The following BCL2 variants were observed in gnomAD, a reference collection of about 807,000 sequenced individuals.
BCL2 encodes the protein apoptosis regulator Bcl-2.
BCL2 carries 1 observed loss-of-function variant against 14.2 expected under a neutral mutation model. That is an observed-to-expected ratio of 0.07 (90% CI 0.02 to 0.33). The LOEUF is 0.33. Among genes scored for constraint, BCL2 ranks in the 10% least tolerant of loss-of-function variants. The pLI, the probability that BCL2 is intolerant of heterozygous loss-of-function variation, is 0.99. For missense variants in BCL2, 247 were observed against 305.9 expected (o/e 0.81, Z 1.44); for synonymous variants, 151 against 137.2 (o/e 1.10, Z -0.70).
intron 2 of BCL2, among the ~76,000 whole-genome samples, chr18:63,301,290 C>T (rs1211295047): frequency 6.9e-6 from 1 of 145,862 alleles, no homozygotes; most frequent in African/African-American, 2.4e-5. Context: ...GTTCTGGAAA[C>T]AGATGTCAGT....
intron 2 of BCL2, among the ~76,000 whole-genome samples, chr18:63,311,640 G>A (rs1310431720): frequency 2.6e-5 from 4 of 152,126 alleles, no homozygotes; most frequent in African/African-American, 9.7e-5. Flanking sequence ...AATGGAATAC[G>A]CTTCTATCCC....
At chr18:63,277,494 G>A (rs936320009) in intron 2 of BCL2, among the ~76,000 whole-genome samples, 7 of 151,728 alleles carry the variant, frequency 4.6e-5, no homozygotes, top group Non-Finnish European at 1.0e-4. Context: ...CCAGTGCAGG[G>A]TCTCATGACT....
chr18:63,190,631 T>C (rs2144651293), intron 2 of BCL2, among the ~76,000 whole-genome samples: 1 of 152,356 alleles, frequency 6.6e-6, no homozygotes, highest in African/African-American at 2.4e-5. Context: ...CCCCTGGAGA[T>C]TGTTCTCAAC....
rs146004012 is a variant in BCL2, at chr18:63,264,187, G to C, written c.585+53895C>G. Among the ~76,000 whole-genome samples the C allele has an allele frequency of 8.0e-3, 1,222 of 152,320 alleles. 9 individuals carry two copies. Among genetic ancestry groups the C allele is most frequent in the Non-Finnish European group, 0.012 (832 of 68,028 alleles). ...ACATCCTCCTTCATATTTGCTCATA[G>C]TAGGGCCTCATATTAAAATTTTTTA... On this transcript the variant is annotated intron_variant, in intron 2 of 2. Coordinates refer to ENST00000333681, the MANE Select transcript of BCL2 (RefSeq NM_000633.3).
At chr18:63,169,172 T>C (rs1358943797) in intron 2 of BCL2, among the ~76,000 whole-genome samples, 1 of 152,162 alleles carries the variant, frequency 6.6e-6, no homozygotes, top group Non-Finnish European at 1.5e-5. Context: ...ATGGAGGGCT[T>C]CTTTTGGGCG....
At chr18:63,203,476 C>A (rs944479912) in intron 2 of BCL2, among the ~76,000 whole-genome samples, 1 of 152,178 alleles carries the variant, frequency 6.6e-6, no homozygotes, top group Non-Finnish European at 1.5e-5. Context: ...TGTGATTGTA[C>A]TAGCAAAGCA....
chr18:63,294,073 T>C (rs753181248), intron 2 of BCL2, among the ~76,000 whole-genome samples: 4 of 152,208 alleles, frequency 2.6e-5, no homozygotes, highest in Non-Finnish European at 4.4e-5. Context: ...CAGCGCCTTA[T>C]TTTGTGATCA....
intron 2 of BCL2, among the ~76,000 whole-genome samples, chr18:63,153,532 T>C (rs1352877489): frequency 1.3e-5 from 2 of 152,194 alleles, no homozygotes; most frequent in African/African-American, 2.4e-5. Flanking sequence ...TTTTAGGATC[T>C]TATTTTCTAA....
intron 2 of BCL2, among the ~76,000 whole-genome samples, chr18:63,231,828 T>A (rs1198751682): frequency 6.6e-6 from 1 of 152,126 alleles, no homozygotes; most frequent in Non-Finnish European, 1.5e-5. Flanking sequence ...TCTTCATGGA[T>A]ATTTGTAACC....
intron 2 of BCL2, among the ~76,000 whole-genome samples, chr18:63,176,655 T>A (rs1377514785): frequency 6.6e-6 from 1 of 152,236 alleles, no homozygotes; most frequent in African/African-American, 2.4e-5. Flanking sequence ...CATGTGATAT[T>A]TTGATACATG....
chr18:63,126,387 G>A lies in BCL2; in HGVS notation c.*2238C>T, dbSNP rs1371110553. ...GGCCACGTAAAGCAACTCTCTAAAG[G>A]TCAAACCACCATAGATTTGAATCTG... is the stretch of plus-strand genomic sequence containing the variant. On this transcript the variant is annotated 3_prime_UTR_variant, in exon 3 of 3. Transcript: ENST00000333681. The A allele has an allele frequency of 4.5e-6, 1 of 222,864 alleles. No individual in the cohort carries two copies. The highest frequency in any genetic ancestry group is 9.0e-6 in the Non-Finnish European group (1 of 111,326). The allele number at this position is 222,864 out of a possible 1,614,324, so 13.8% of individuals were successfully genotyped here.
At chr18:63,267,176 G>A (rs148488304) in intron 2 of BCL2, among the ~76,000 whole-genome samples, 1 of 152,352 alleles carries the variant, frequency 6.6e-6, no homozygotes, top group African/African-American at 2.4e-5. Flanking sequence ...AGTCACGACA[G>A]TTTCTCTGGG....
At chr18:63,192,797 C>T (rs1208064445) in intron 2 of BCL2, among the ~76,000 whole-genome samples, 1 of 152,182 alleles carries the variant, frequency 6.6e-6, no homozygotes, top group African/African-American at 2.4e-5. Context: ...AGAAATGCTT[C>T]CCTGTCTACT....
intron 2 of BCL2, among the ~76,000 whole-genome samples, chr18:63,190,953 T>C (rs560029859): frequency 6.6e-6 from 1 of 152,308 alleles, no homozygotes; most frequent in East Asian, 1.9e-4. Flanking sequence ...ACATGCAGTG[T>C]TTGGTTTTCT....
At chr18:63,138,889 G>A (rs1319965302) in intron 2 of BCL2, among the ~76,000 whole-genome samples, 1 of 152,222 alleles carries the variant, frequency 6.6e-6, no homozygotes, top group Admixed American at 6.5e-5. Flanking sequence ...GGGCCCTCAG[G>A]AGCTGGGGAG....
intron 2 of BCL2, among the ~76,000 whole-genome samples, chr18:63,174,563 T>C (rs1022122328): frequency 6.6e-6 from 1 of 152,170 alleles, no homozygotes; most frequent in African/African-American, 2.4e-5. Flanking sequence ...CTCATGCCTG[T>C]AATCCCAGCA....
rs372445981 is a variant in BCL2, at chr18:63,215,730, T to C, written c.586-86971A>G. On this transcript the variant is annotated intron_variant, in intron 2 of 2. Coordinates refer to ENST00000333681, the MANE Select transcript of BCL2 (RefSeq NM_000633.3). Reference sequence around the variant, plus strand: ...CGCATGGGTGCTCCTATCTCATTTATGGGAAATCATGTGTGTGGAGGTGAC... The same window carrying C: ...CGCATGGGTGCTCCTATCTCATTTACGGGAAATCATGTGTGTGGAGGTGAC... Among the ~76,000 whole-genome samples, 5 of 152,326 alleles carry C rather than the reference T, an allele frequency of 3.3e-5. No individual in the cohort carries two copies. The South Asian group carries it at 8.3e-4, about 25-fold the overall frequency.
At chr18:63,253,165 G>T (rs959817857) in intron 2 of BCL2, among the ~76,000 whole-genome samples, 1 of 152,186 alleles carries the variant, frequency 6.6e-6, no homozygotes, top group Non-Finnish European at 1.5e-5. Context: ...CGCATTTAAA[G>T]CTCACAGCAG....
In BCL2 at chr18:63,127,833, A is replaced by ATTGG. The variant is rs1913950927; in HGVS notation, c.*791_*792insCCAA. On this transcript the variant is annotated 3_prime_UTR_variant, in exon 3 of 3. Transcript: ENST00000333681. ...GTATCCAAAATATATGAATATACACAATCAGGGCTTAAGGTACTGGATGAT... is the reference window on the plus strand; with the variant it reads ...GTATCCAAAATATATGAATATACACATTGGATCAGGGCTTAAGGTACTGGATGAT... 1 of 225,084 alleles carries ATTGG rather than the reference A, an allele frequency of 4.4e-6. No homozygotes were observed. The highest frequency in any genetic ancestry group is 5.7e-5 in the Admixed American group (1 of 17,478). The allele number at this position is 225,084 out of a possible 1,614,324, so 13.9% of individuals were successfully genotyped here. A position where few individuals can be genotyped will look rare whatever the true frequency, so the allele number is the denominator to read the frequency against.
Sources: allele counts gnomAD v4.1 joint callset (sites outside exome capture counted in the v4.1 genomes callset), GRCh38; gene constraint gnomAD v4.1.1; transcripts MANE v1.5; gene names NCBI Gene and HGNC (gene_info 2026-07-23, HGNC 2026-07-21).